Variants in ROBO2 observed in about 807,000 individuals in gnomAD.
ROBO2 encodes the protein roundabout guidance receptor 2, also known as roundabout homolog 2.
ROBO2 carries 53 observed loss-of-function variants against 160.8 expected under a neutral mutation model. The observed-to-expected ratio is 0.33, with a 90% CI of 0.26 to 0.41. ROBO2 has a LOEUF of 0.41. Among genes scored for constraint, ROBO2 ranks in the 10% least tolerant of loss-of-function variants. The pLI is 1.00. For synonymous variants in ROBO2, 664 were observed against 611.7 expected, an observed-to-expected ratio of 1.09 and a Z score of -1.26; for missense variants, 1,577 against 1,722.4, an observed-to-expected ratio of 0.92 and a Z score of 1.49.
chr3:77,509,129 G>A (rs1377999546), intron 5 of ROBO2, among the ~76,000 whole-genome samples: 3 of 152,224 alleles, frequency 2.0e-5, no homozygotes, highest in South Asian at 2.1e-4. Context: ...CAAAGTAGTC[G>A]TAGGCTTCAA....
chr3:76,007,827 A>G (rs182798012), intron 2 of ROBO2, among the ~76,000 whole-genome samples: 7 of 152,318 alleles, frequency 4.6e-5, no homozygotes, highest in Non-Finnish European at 1.0e-4. Flanking sequence ...TCCTTTGCTA[A>G]TGGCCTTCTT....
chr3:76,395,486 G>T (rs199816819), intron 2 of ROBO2, among the ~76,000 whole-genome samples: 1 of 132,202 alleles, frequency 7.6e-6, no homozygotes, highest in Non-Finnish European at 1.6e-5. Context: ...CAGAACTGAA[G>T]GAAATAGAGA....
chr3:76,991,936 T>G (rs1488567301), intron 2 of ROBO2, among the ~76,000 whole-genome samples: 1 of 152,114 alleles, frequency 6.6e-6, no homozygotes. Flanking sequence ...AGATAGTCAC[T>G]CTGGTATACA....
intron 2 of ROBO2, among the ~76,000 whole-genome samples, chr3:77,140,494 T>C (rs1579326643): frequency 6.6e-6 from 1 of 152,182 alleles, no homozygotes; most frequent in African/African-American, 2.4e-5. Flanking sequence ...TACCTCCCAG[T>C]ATCCCTAGAA....
At chr3:76,336,288 C>T (rs867292673) in intron 2 of ROBO2, among the ~76,000 whole-genome samples, 4 of 152,250 alleles carry the variant, frequency 2.6e-5, no homozygotes, top group Middle Eastern at 3.4e-3. Flanking sequence ...TTATGCATAA[C>T]GGTTTCATTC....
intron 2 of ROBO2, among the ~76,000 whole-genome samples, chr3:76,793,293 T>C (rs1305825152): frequency 6.6e-6 from 1 of 151,902 alleles, no homozygotes; most frequent in Non-Finnish European, 1.5e-5. Flanking sequence ...TAGAAGCCTC[T>C]TTATTATCTC....
chr3:77,370,423 G>T lies in ROBO2; in HGVS notation c.389-106991G>T, dbSNP rs553647581. On this transcript the variant is annotated intron_variant, in intron 2 of 25. Transcript: ENST00000461745. ...ATGCTAAAATGAGGGCTCCGATTTTGACTTGGTGTTGAAGTCCCTTCTTAG... is the reference window on the plus strand; with the variant it reads ...ATGCTAAAATGAGGGCTCCGATTTTTACTTGGTGTTGAAGTCCCTTCTTAG... 2.0e-5 allele frequency among the ~76,000 whole-genome samples: 3 copies of T among 152,316 alleles called. No homozygotes were observed. The South Asian group carries it at 6.2e-4, about 32-fold the overall frequency.
At chr3:76,538,418 C>G (rs576264892) in intron 2 of ROBO2, among the ~76,000 whole-genome samples, 1 of 152,198 alleles carries the variant, frequency 6.6e-6, no homozygotes, top group South Asian at 2.1e-4. Flanking sequence ...GAATTAATAA[C>G]TAACCACCTG....
At chr3:77,287,839 G>T (rs1004868972) in intron 2 of ROBO2, among the ~76,000 whole-genome samples, 3 of 152,148 alleles carry the variant, frequency 2.0e-5, no homozygotes, top group Non-Finnish European at 4.4e-5. Flanking sequence ...GACAGTCATT[G>T]TTCCTCGAAA....
intron 2 of ROBO2, among the ~76,000 whole-genome samples, chr3:75,981,143 A>G (rs114560161): frequency 3.0e-4 from 45 of 151,664 alleles, no homozygotes; most frequent in African/African-American, 1.0e-3. Flanking sequence ...TGCAAGATTA[A>G]TGAAGACAAG....
intron 2 of ROBO2, among the ~76,000 whole-genome samples, chr3:76,371,750 C>T (rs2076113521): frequency 1.3e-5 from 2 of 151,766 alleles, no homozygotes; most frequent in Non-Finnish European, 2.9e-5. Context: ...ATTATTTGAC[C>T]ATATCAACTT....
intron 2 of ROBO2, chr3:77,317,400 C>T: frequency 4.1e-6 from 5 of 1,224,170 alleles, no homozygotes; most frequent in Non-Finnish European, 5.9e-6. Context: ...CTCCGTAGAC[C>T]TCGAGCCATA....
chr3:76,975,055 A>T (rs2059748338), intron 2 of ROBO2, among the ~76,000 whole-genome samples: 1 of 152,228 alleles, frequency 6.6e-6, no homozygotes, highest in Admixed American at 6.5e-5. Flanking sequence ...TTTGTATCTT[A>T]TGTTACATGT....
intron 2 of ROBO2, among the ~76,000 whole-genome samples, chr3:76,233,429 C>T (rs1245643250): frequency 6.6e-6 from 1 of 152,138 alleles, no homozygotes; most frequent in Non-Finnish European, 1.5e-5. Context: ...CAGTTGTGAG[C>T]CACCACGCCT....
intron 2 of ROBO2, among the ~76,000 whole-genome samples, chr3:76,358,692 A>C (rs1371517637): frequency 6.6e-6 from 1 of 152,036 alleles, no homozygotes; most frequent in Non-Finnish European, 1.5e-5. Context: ...TATGTTTCTA[A>C]ACATGAAACT....
At chr3:77,115,696 T>A (rs1172044490) in intron 2 of ROBO2, among the ~76,000 whole-genome samples, 1 of 152,220 alleles carries the variant, frequency 6.6e-6, no homozygotes, top group Admixed American at 6.5e-5. Flanking sequence ...TAAAGATAGT[T>A]TATTCTGCAT....
At chr3:77,045,656 T>C (rs909513322) in intron 1 of ROBO2, among the ~76,000 whole-genome samples, 4 of 152,194 alleles carry the variant, frequency 2.6e-5, no homozygotes, top group African/African-American at 9.7e-5. Context: ...GAACCATTTT[T>C]CACTTGTTCT....
At chr3:77,410,717 T>TCCTCCTCCTCCTCCTCCTCCTCC (rs2076711895) in intron 2 of ROBO2, among the ~76,000 whole-genome samples, 1 of 53,584 alleles carries the variant, frequency 1.9e-5, no homozygotes, top group Admixed American at 1.6e-4. Context: ...CCTCCTCCTC[T>TCCTCCTCCTCCTCCTCCTCCTCC]TCCTCCTCCT....
intron 23 of ROBO2, among the ~76,000 whole-genome samples, chr3:77,627,187 T>C (rs1289615720): frequency 1.3e-5 from 2 of 152,198 alleles, no homozygotes; most frequent in Non-Finnish European, 2.9e-5. Flanking sequence ...AATTTTTATC[T>C]GAGTGAAACA....
Sources: gnomAD v4.1 joint callset for allele counts (sites outside exome capture counted in the v4.1 genomes callset) on GRCh38, gnomAD v4.1.1 for gene constraint, MANE v1.5 for transcripts, NCBI Gene and HGNC (gene_info 2026-07-23, HGNC 2026-07-21) for gene names.